ACVR1: variants seen among roughly 807,000 people sequenced by gnomAD.
The protein encoded by ACVR1 is activin receptor type-1.
In ACVR1, 38 loss-of-function variants were observed where a neutral mutation model predicts 57.1. The ratio of observed to expected loss-of-function variants is 0.67; its 90% CI spans 0.51 to 0.87. The LOEUF is 0.87. Among genes scored for constraint, ACVR1 ranks in the 40% least tolerant of loss-of-function variants. The pLI is 0.00. For synonymous variants in ACVR1, 212 were observed against 228.1 expected (o/e 0.93, Z 0.63); for missense variants, 463 against 638.2 (o/e 0.73, Z 2.96).
intron 1 of ACVR1, among the ~76,000 whole-genome samples, chr2:157,851,697 T>A (rs1265216070): frequency 6.6e-6 from 1 of 152,134 alleles, no homozygotes; most frequent in East Asian, 1.9e-4. Context: ...CTAGTAGATA[T>A]CGCATCCCCT....
chr2:157,863,336 C>CTTTGTTTTTTTTTTTT (rs1689795897), intron 1 of ACVR1, among the ~76,000 whole-genome samples: 1 of 35,674 alleles, frequency 2.8e-5, no homozygotes, highest in Non-Finnish European at 4.8e-5. Context: ...AATTGTTTCT[C>CTTTGTTTTTTTTTTTT]TTTTTTTTTT....
chr2:157,743,245 C>T (rs1467054886), intron 9 of ACVR1, among the ~76,000 whole-genome samples: 1 of 152,136 alleles, frequency 6.6e-6, no homozygotes, highest in African/African-American at 2.4e-5. Context: ...TCAATTCATG[C>T]TTCTCACCTT....
intron 6 of ACVR1, 89 bp from the exon 7 acceptor site, chr2:157,770,603 C>CA (rs1376888955): frequency 7.6e-7 from 1 of 1,316,464 alleles, no homozygotes; most frequent in African/African-American, 1.4e-5. Flanking sequence ...TTAGTGCATG[C>CA]AACTCTTAAT....
chr2:157,786,097 C>T (rs113370509), intron 3 of ACVR1, among the ~76,000 whole-genome samples: 1,583 of 152,296 alleles, frequency 0.01, 19 homozygotes, highest in Middle Eastern at 0.02. Context: ...CACCTCTCCA[C>T]CTAGTCAGTG....
chr2:157,754,752 C>A (rs1188523471), intron 9 of ACVR1, among the ~76,000 whole-genome samples: 2 of 152,152 alleles, frequency 1.3e-5, no homozygotes, highest in Non-Finnish European at 2.9e-5. Flanking sequence ...TTCCCTAAAT[C>A]ATTCTATAAA....
At chr2:157,847,559 C>T (rs1689163757) in intron 1 of ACVR1, among the ~76,000 whole-genome samples, 1 of 152,158 alleles carries the variant, frequency 6.6e-6, no homozygotes, top group Admixed American at 6.5e-5. Context: ...AGTCCCAACC[C>T]ATCTGGGTGT....
At chr2:157,757,460 G>C (rs2105246690) in intron 9 of ACVR1, among the ~76,000 whole-genome samples, 1 of 151,764 alleles carries the variant, frequency 6.6e-6, no homozygotes, top group East Asian at 1.9e-4. Context: ...AGTCAAACTT[G>C]TAAAGTCAAT....
intron 9 of ACVR1, among the ~76,000 whole-genome samples, chr2:157,749,324 C>A (rs965858811): frequency 1.3e-5 from 2 of 152,198 alleles, no homozygotes; most frequent in Non-Finnish European, 2.9e-5. Context: ...AAATGATTGA[C>A]AAGTGCTTCT....
In ACVR1 at chr2:157,826,765, GGAAAGGAAAGGAAAGGAAA is replaced by G. The variant is rs1331805937; in HGVS notation, c.-182-8225_-182-8207del. On this transcript the variant is annotated intron_variant, in intron 1 of 10. Transcript: ENST00000434821. ...GGAAAGGAAAGGAAAGGAAAGGAAA[GGAAAGGAAAGGAAAGGAAA>G]GGAAAGGGAAAGGGAAAAGGAAAAG... The G allele has an allele frequency of 5.7e-3, 431 of 76,244 alleles. 11 individuals are homozygous for G. Among genetic ancestry groups the G allele is most frequent in the African/African-American group, 0.026 (357 of 13,702 alleles). The allele number at this position is 76,244 out of a possible 1,614,324, so 4.7% of individuals were successfully genotyped here.
chr2:157,794,457 C>T (rs537384841), intron 3 of ACVR1, among the ~76,000 whole-genome samples: 4 of 152,168 alleles, frequency 2.6e-5, no homozygotes, highest in South Asian at 2.1e-4. Flanking sequence ...CAGACTGGAT[C>T]GAGCTGGATT....
At chr2:157,801,211 C>A (rs1241019781) in intron 2 of ACVR1, among the ~76,000 whole-genome samples, 4 of 152,170 alleles carry the variant, frequency 2.6e-5, no homozygotes, top group Non-Finnish European at 5.9e-5. Context: ...CTATGACAGT[C>A]TAGTACAGGA....
chr2:157,769,766 C>CAA (rs1021927495), intron 7 of ACVR1, among the ~76,000 whole-genome samples: 4 of 152,164 alleles, frequency 2.6e-5, no homozygotes, highest in Admixed American at 1.3e-4. Flanking sequence ...AGAAACTTTT[C>CAA]AAAAATACAG....
At chr2:157,843,536 A>G (rs2105357533) in intron 1 of ACVR1, among the ~76,000 whole-genome samples, 1 of 152,330 alleles carries the variant, frequency 6.6e-6, no homozygotes, top group African/African-American at 2.4e-5. Flanking sequence ...AGAGAGGAAA[A>G]GTAACTTCCT....
intron 3 of ACVR1, among the ~76,000 whole-genome samples, chr2:157,795,793 T>TC (rs1419386108): frequency 6.6e-6 from 1 of 152,132 alleles, no homozygotes; most frequent in African/African-American, 2.4e-5. Context: ...CTGCCCTTTT[T>TC]CCGCCCCACT....
chr2:157,872,783 A>G (rs1690153946), intron 1 of ACVR1, among the ~76,000 whole-genome samples: 1 of 152,206 alleles, frequency 6.6e-6, no homozygotes, highest in South Asian at 2.1e-4. Context: ...ATCATTTTAG[A>G]AAAAATGTAT....
chr2:157,775,161 T>C (rs1686234241), intron 5 of ACVR1, among the ~76,000 whole-genome samples: 1 of 152,212 alleles, frequency 6.6e-6, no homozygotes, highest in Non-Finnish European at 1.5e-5. Context: ...GGAGCAAAAC[T>C]ATATCAACAC....
rs1308613687 is a variant in ACVR1 at position 157,855,341 on chromosome 2, C to A, written c.-183+20455G>T. 1.1e-3 allele frequency among the ~76,000 whole-genome samples: 130 copies of A among 121,160 alleles called. 1 individual carries two copies. Among genetic ancestry groups the A allele is most frequent in the African/African-American group, 4.5e-3 (122 of 27,014 alleles). The allele number at this position is 121,160 out of a possible 152,430, so 79.5% of individuals were successfully genotyped here. On this transcript the variant is annotated intron_variant, in intron 1 of 10. Transcript: ENST00000434821. Reference sequence around the variant, plus strand: ...ATATATATACACACACACACACACACACACAAAAATTAGCCGGACGTGGTG... The same window carrying A: ...ATATATATACACACACACACACACAAACACAAAAATTAGCCGGACGTGGTG...
At chr2:157,857,650 T>G (rs1689581708) in intron 1 of ACVR1, among the ~76,000 whole-genome samples, 1 of 152,218 alleles carries the variant, frequency 6.6e-6, no homozygotes, top group African/African-American at 2.4e-5. Context: ...TTTGGTAAAC[T>G]ACAAAGCCCT....
At chr2:157,809,249 TTC>T (rs1687664318) in intron 2 of ACVR1, among the ~76,000 whole-genome samples, 1 of 152,174 alleles carries the variant, frequency 6.6e-6, no homozygotes, top group South Asian at 2.1e-4. Flanking sequence ...TGGAAAAGAA[TTC>T]TCTTAGTGGT....
Sources: gnomAD v4.1 joint callset for allele counts (sites outside exome capture counted in the v4.1 genomes callset) on GRCh38, gnomAD v4.1.1 for gene constraint, MANE v1.5 for transcripts, NCBI Gene and HGNC (gene_info 2026-07-23, HGNC 2026-07-21) for gene names.